The following DCT variants were observed in gnomAD, a reference collection of about 807,000 sequenced individuals.
DCT encodes L-dopachrome tautomerase.
DCT carries 47 observed loss-of-function variants against 53.0 expected under a neutral mutation model. The ratio of observed to expected loss-of-function variants is 0.89; its 90% CI spans 0.70 to 1.13. The LOEUF is 1.13. Ranked by LOEUF, DCT falls within the 50% of genes most tolerant of loss-of-function variation. DCT has a pLI of 0.00. For missense variants in DCT, 669 were observed against 637.4 expected (o/e 1.05, Z -0.53); for synonymous variants, 244 against 237.0 (o/e 1.03, Z -0.27).
At chr13:94,463,191 C>A (rs1161526029) in intron 4 of DCT, among the ~76,000 whole-genome samples, 2 of 152,050 alleles carry the variant, frequency 1.3e-5, no homozygotes, top group East Asian at 3.9e-4. Context: ...GGCTAGAGTG[C>A]AGTGGCATGA....
chr13:94,450,379 A>G (rs1882998800), intron 6 of DCT, among the ~76,000 whole-genome samples: 1 of 152,298 alleles, frequency 6.6e-6, no homozygotes, highest in East Asian at 1.9e-4. Context: ...GGATGGTGCT[A>G]TAATTTTCTC....
intron 6 of DCT, 79 bp from the exon 7 acceptor site, chr13:94,443,716 A>C (rs1882520011): frequency 8.6e-7 from 1 of 1,166,588 alleles, no homozygotes; most frequent in Middle Eastern, 2.7e-4. Context: ...CTTTCTCTAA[A>C]GTGGAATAAC....
intron 6 of DCT, among the ~76,000 whole-genome samples, chr13:94,446,478 A>T (rs952489739): frequency 6.6e-6 from 1 of 152,168 alleles, no homozygotes; most frequent in African/African-American, 2.4e-5. Context: ...GCACTTTTTG[A>T]TAAGTAAATT....
chr13:94,526,779 G>A, the DCT span, among the ~76,000 whole-genome samples: 14 of 152,148 alleles, frequency 9.2e-5, no homozygotes, highest in Admixed American at 5.9e-4. Context: ...TTGGATAGTG[G>A]TTGCAGCCCA....
chr13:94,527,715 C>T, the DCT span, among the ~76,000 whole-genome samples: 1 of 152,108 alleles, frequency 6.6e-6, no homozygotes, highest in South Asian at 2.1e-4. Flanking sequence ...TTCCAAAAAA[C>T]AGAACACCTC....
chr13:94,488,634 G>A, the DCT span, among the ~76,000 whole-genome samples: 490 of 152,004 alleles, frequency 3.2e-3, 3 homozygotes, highest in African/African-American at 0.011. Flanking sequence ...AGAATAGCTT[G>A]AGCCCAAGAG....
chr13:94,475,583 A>C (rs1025233504), intron 1 of DCT, among the ~76,000 whole-genome samples: 13 of 152,210 alleles, frequency 8.5e-5, no homozygotes, highest in Admixed American at 2.6e-4. Flanking sequence ...CAAGTTCCAG[A>C]GATTTTCTGT....
chr13:94,537,071 C>T, the DCT span, among the ~76,000 whole-genome samples: 9 of 152,208 alleles, frequency 5.9e-5, no homozygotes, highest in Non-Finnish European at 1.3e-4. Context: ...CCCAGTGTCA[C>T]GTGTTCCTTT....
At chr13:94,448,686 C>T (rs1194088431) in intron 6 of DCT, among the ~76,000 whole-genome samples, 1 of 151,944 alleles carries the variant, frequency 6.6e-6, no homozygotes, top group Non-Finnish European at 1.5e-5. Flanking sequence ...GAGGATCACC[C>T]GAGGTCAGGA....
At chr13:94,466,094 T>G (rs1884203341) in intron 3 of DCT, among the ~76,000 whole-genome samples, 1 of 145,854 alleles carries the variant, frequency 6.9e-6, no homozygotes, top group Admixed American at 7.0e-5. Flanking sequence ...TGAATGAATC[T>G]AGAAGACATT....
At chr13:94,493,509 C>A in the DCT span, among the ~76,000 whole-genome samples, 1 of 152,092 alleles carries the variant, frequency 6.6e-6, no homozygotes, top group Non-Finnish European at 1.5e-5. Context: ...CTGGTGAATT[C>A]TTAGGTGAAA....
the DCT span, among the ~76,000 whole-genome samples, chr13:94,522,609 A>T: frequency 1.8e-4 from 28 of 152,296 alleles, no homozygotes; most frequent in South Asian, 1.2e-3. Context: ...TGTGAATTCG[A>T]TGCTAAGTTA....
At chr13:94,508,141 T>C in the DCT span, among the ~76,000 whole-genome samples, 1 of 152,258 alleles carries the variant, frequency 6.6e-6, no homozygotes, top group Admixed American at 6.5e-5. Context: ...ACGTTGGTGG[T>C]AGAAACTGTC....
the DCT span, among the ~76,000 whole-genome samples, chr13:94,494,752 C>A: frequency 1.3e-5 from 2 of 152,264 alleles, no homozygotes; most frequent in African/African-American, 2.4e-5. Flanking sequence ...ATAACCACAG[C>A]TTACATGTTG....
intron 7 of DCT, among the ~76,000 whole-genome samples, chr13:94,440,759 C>T (rs1882245434): frequency 6.9e-6 from 1 of 145,588 alleles, no homozygotes; most frequent in Non-Finnish European, 1.5e-5. Context: ...CGGCTCACTG[C>T]AACCTCTGCC....
chr13:94,472,546 ATATATATATATATATATATATATTTT>A (rs1566855080), intron 1 of DCT, among the ~76,000 whole-genome samples: 78 of 25,562 alleles, frequency 3.1e-3, no homozygotes, highest in Admixed American at 3.8e-3. Context: ...ATATATATAT[ATATATATATATATATATATATATTTT>A]TTTTTTTTTT....
chr13:94,497,605 A>G, the DCT span, among the ~76,000 whole-genome samples: 2 of 152,236 alleles, frequency 1.3e-5, no homozygotes, highest in Non-Finnish European at 2.9e-5. Context: ...TTACTTAAAA[A>G]TCATGACGAA....
At chr13:94,494,840 T>C in the DCT span, among the ~76,000 whole-genome samples, 1 of 152,218 alleles carries the variant, frequency 6.6e-6, no homozygotes, top group Non-Finnish European at 1.5e-5. Flanking sequence ...TGCATTATTT[T>C]TTCCATTTAA....
chr13:94,522,232 C>T, the DCT span, among the ~76,000 whole-genome samples: 2 of 152,144 alleles, frequency 1.3e-5, no homozygotes, highest in African/African-American at 4.8e-5. Flanking sequence ...GAAAGGCAGA[C>T]CCACCCTTAA....
Sources: gnomAD v4.1 joint callset for allele counts (sites outside exome capture counted in the v4.1 genomes callset) on GRCh38, gnomAD v4.1.1 for gene constraint, MANE v1.5 for transcripts, NCBI Gene and HGNC (gene_info 2026-07-23, HGNC 2026-07-21) for gene names.